Variants in GJA1 observed in about 807,000 individuals in gnomAD.
GJA1 encodes gap junction protein alpha 1.
A neutral mutation model predicts 31.0 loss-of-function variants in GJA1; 9 were observed. The ratio of observed to expected loss-of-function variants is 0.29; its 90% CI spans 0.17 to 0.51. The LOEUF (loss-of-function observed/expected upper bound fraction) is 0.51, where lower values mean the gene tolerates loss of function less well. GJA1 is among the 20% of genes least tolerant of loss of function. GJA1 has a pLI of 0.98. For synonymous variants in GJA1, 186 were observed against 180.1 expected (o/e 1.03, Z -0.26); for missense variants, 278 against 468.8 (o/e 0.59, Z 3.76).
In GJA1 at chr6:121,447,510, G is replaced by C; in HGVS notation, c.663G>C (p.Leu221=). ...IFMLVVSLVS[L]ALNIIELFYV... Reference sequence around the variant, plus strand: ...TGCTGGTGGTGTCCTTGGTGTCCCTGGCCTTGAATATCATTGAACTCTTCT... The same window carrying C: ...TGCTGGTGGTGTCCTTGGTGTCCCTCGCCTTGAATATCATTGAACTCTTCT... The change falls in exon 2 of 2, where the codon CTG becomes CTC. Residue 221 remains leucine, a synonymous_variant. Coordinates refer to ENST00000282561, the MANE Select transcript of GJA1 (RefSeq NM_000165.5). 1 of 1,613,884 alleles carries C rather than the reference G, an allele frequency of 6.2e-7. No individual in the cohort carries two copies. Among genetic ancestry groups the C allele is most frequent in the African/African-American group, 1.3e-5 (1 of 74,972 alleles).
At chr6:121,441,389 T>C (rs1773778739) in intron 1 of GJA1, among the ~76,000 whole-genome samples, 1 of 152,124 alleles carries the variant, frequency 6.6e-6, no homozygotes, top group Admixed American at 6.6e-5. Flanking sequence ...TCTCTTACTC[T>C]TTCAAGCACT....
intron 1 of GJA1, among the ~76,000 whole-genome samples, chr6:121,445,271 G>T (rs1374527827): frequency 1.3e-5 from 2 of 152,030 alleles, no homozygotes; most frequent in Non-Finnish European, 2.9e-5. Flanking sequence ...TTAGCCTCCC[G>T]AGTAGCTGGG....
At chr6:121,436,741 C>T (rs558313939) in intron 1 of GJA1, among the ~76,000 whole-genome samples, 82 of 152,184 alleles carry the variant, frequency 5.4e-4, no homozygotes, top group African/African-American at 1.7e-3. Flanking sequence ...TTTGGGAGCT[C>T]CCCCCGCCAA....
intron 1 of GJA1, among the ~76,000 whole-genome samples, chr6:121,438,042 T>TG (rs1390180551): frequency 6.6e-6 from 1 of 151,912 alleles, no homozygotes; most frequent in Non-Finnish European, 1.5e-5. Flanking sequence ...AAAACACTTT[T>TG]GGGAGAAGAC....
In GJA1 at chr6:121,447,956, G is replaced by A. The variant is rs772176824; in HGVS notation, c.1109G>A (p.Arg370His). Residue 370 changes from arginine (R) to histidine (H), a missense_variant, in exon 2 of 2, where the codon CGT (arginine) becomes CAT (histidine). Physicochemically the swap from Arg to His is conservative, Grantham distance 29 (BLOSUM62 0). Coordinates refer to ENST00000282561, the MANE Select transcript of GJA1 (RefSeq NM_000165.5). ...CGACCTTCAAGCAGAGCCAGCAGTC[G>A]TGCCAGCAGCAGACCTCGGCCTGAT... ...DQRPSSRASS[R>H]ASSRPRPDDL... The A allele has an allele frequency of 6.2e-6, 10 of 1,613,714 alleles. No individual in the cohort carries two copies. Among genetic ancestry groups the A allele is most frequent in the Non-Finnish European group, 6.8e-6 (8 of 1,179,882 alleles).
At chr6:121,446,724 A>G in intron 1 of GJA1, 108 bp from the exon 2 acceptor site, 2 of 818,436 alleles carry the variant, frequency 2.4e-6, no homozygotes, top group Non-Finnish European at 2.1e-6. Flanking sequence ...GAATGTTAGA[A>G]ATACGTGAAA....
intron 1 of GJA1, among the ~76,000 whole-genome samples, chr6:121,443,449 T>C (rs773964054): frequency 6.6e-6 from 1 of 152,146 alleles, no homozygotes; most frequent in Non-Finnish European, 1.5e-5. Context: ...GCATGGGTGC[T>C]TAAAGAAAAG....
Position 121,446,976 on chromosome 6 carries a change from AGC to A in GJA1, c.130_131del (p.Ala44LeufsTer4). The A allele has an allele frequency of 6.2e-7, 1 of 1,614,170 alleles. No individual in the cohort carries two copies. The highest frequency in any genetic ancestry group is 8.5e-7 in the Non-Finnish European group (1 of 1,179,982). ...ILLLGTAVES[A>X]WGDEQSAFRC... is the part of the protein sequence containing the mutation. Reference sequence around the variant, plus strand: ...TGCTGCTGGGGACAGCGGTTGAGTCAGCCTGGGGAGATGAGCAGTCTGCCTTT... The same window carrying A: ...TGCTGCTGGGGACAGCGGTTGAGTCACTGGGGAGATGAGCAGTCTGCCTTT... On this transcript the variant is annotated frameshift_variant, in exon 2 of 2. Coordinates refer to ENST00000282561, the MANE Select transcript of GJA1 (RefSeq NM_000165.5). LOFTEE classifies it high-confidence loss of function.
chr6:121,436,567 T>C (rs1481368470), intron 1 of GJA1, among the ~76,000 whole-genome samples: 3 of 152,236 alleles, frequency 2.0e-5, no homozygotes, highest in African/African-American at 4.8e-5. Flanking sequence ...CTCGACCACG[T>C]TGGCAGTTTA....
chr6:121,448,665 A>T lies in GJA1; in HGVS notation c.*669A>T, dbSNP rs1341335200. ...TTTTTCCATCCACTTGCACAATATC[A>T]TTACCATCACTTTTTCATCATTCCT... On this transcript the variant is annotated 3_prime_UTR_variant, in exon 2 of 2. Transcript: ENST00000282561. 1 of 167,498 alleles carries T rather than the reference A, an allele frequency of 6.0e-6. No homozygotes were observed. The highest frequency in any genetic ancestry group is 1.9e-4 in the East Asian group (1 of 5,202). 10.4% of individuals were successfully genotyped at this position (167,498 alleles called of 1,614,324 possible).
rs552010577 is a variant in GJA1, at chr6:121,438,039, T to A, written c.-17+2207T>A. On this transcript the variant is annotated intron_variant, in intron 1 of 1. Coordinates refer to ENST00000282561, the MANE Select transcript of GJA1 (RefSeq NM_000165.5). ...AATAAGCCAGTTAGACAGAAAACAC[T>A]TTTGGGAGAAGACTAATTACTTCTG... Among the ~76,000 whole-genome samples the A allele has an allele frequency of 2.1e-5, 3 of 145,062 alleles. No homozygotes were observed. In the South Asian group the frequency reaches 6.3e-4, roughly 31 times the overall value.
chr6:121,447,158 A>G lies in GJA1; in HGVS notation c.311A>G (p.Glu104Gly). 1 of 1,613,998 alleles carries G rather than the reference A, an allele frequency of 6.2e-7. No homozygotes were observed. The highest frequency in any genetic ancestry group is 8.5e-7 in the Non-Finnish European group (1 of 1,179,872). The change falls in exon 2 of 2, where the codon GAG becomes GGG. Residue 104 changes from glutamate (E) to glycine (G), a missense_variant. By Grantham distance (98) the Glu-to-Gly change is moderately conservative. Transcript: ENST00000282561. ...GTGTTCTATGTGATGCGAAAGGAAG[A>G]GAAACTGAACAAGAAAGAGGAAGAA... The part of the protein sequence containing the change: ...AHVFYVMRKE[E>G]KLNKKEEELK...
chr6:121,443,191 A>G (rs1395487349), intron 1 of GJA1, among the ~76,000 whole-genome samples: 1 of 152,154 alleles, frequency 6.6e-6, no homozygotes, highest in African/African-American at 2.4e-5. Context: ...TAGTTTGGGA[A>G]GGTGCAGCAG....
chr6:121,441,204 G>A (rs970429308), intron 1 of GJA1, among the ~76,000 whole-genome samples: 6 of 151,822 alleles, frequency 4.0e-5, no homozygotes, highest in African/African-American at 7.3e-5. Context: ...CGCCCGCCTC[G>A]GCCTCCCAAA....
chr6:121,437,576 C>G (rs1773691779), intron 1 of GJA1, among the ~76,000 whole-genome samples: 1 of 151,996 alleles, frequency 6.6e-6, no homozygotes, highest in African/African-American at 2.4e-5. Context: ...GCAAGTCAGC[C>G]TGTTTCCGAG....
rs1773922925 is a variant in GJA1 at position 121,448,193 on chromosome 6, G to T, written c.*197G>T. 1 of 629,734 alleles carries T rather than the reference G, an allele frequency of 1.6e-6. No homozygotes were observed. The highest frequency in any genetic ancestry group is 2.9e-6 in the Non-Finnish European group (1 of 344,674). 39.0% of individuals were successfully genotyped at this position (629,734 alleles called of 1,614,324 possible). On this transcript the variant is annotated 3_prime_UTR_variant, in exon 2 of 2. Coordinates refer to ENST00000282561, the MANE Select transcript of GJA1 (RefSeq NM_000165.5). ...TGGGGTAGATGGGTGGAGAGGGAGG[G>T]GATAAGAGAGGTGCATGTTGGTATT...
chr6:121,435,894 T>C (rs1337847114), intron 1 of GJA1, 62 bp downstream of exon 1: 2 of 152,184 alleles, frequency 1.3e-5, no homozygotes, highest in Admixed American at 6.5e-5. Flanking sequence ...AGTAAAACTT[T>C]TCTAAAGTTT....
intron 1 of GJA1, among the ~76,000 whole-genome samples, chr6:121,436,212 T>C (rs1773661311): frequency 7.8e-6 from 1 of 128,280 alleles, no homozygotes; most frequent in East Asian, 2.4e-4. Context: ...GCGCCTGGGT[T>C]GGGGGATTTG....
At chr6:121,438,686 G>A (rs73532223) in intron 1 of GJA1, among the ~76,000 whole-genome samples, 4,690 of 152,190 alleles carry the variant, frequency 0.031, 148 homozygotes, top group African/African-American at 0.078. Context: ...GCACACACCA[G>A]TTCAACTCTG....
Sources: gnomAD v4.1 joint callset for allele counts (sites outside exome capture counted in the v4.1 genomes callset) on GRCh38, gnomAD v4.1.1 for gene constraint, MANE v1.5 for transcripts, NCBI Gene and HGNC (gene_info 2026-07-23, HGNC 2026-07-21) for gene names.